Variants in STK3 observed in about 807,000 individuals in gnomAD.
STK3 encodes the protein serine/threonine kinase 3.
STK3 carries 41 observed loss-of-function variants against 58.0 expected under a neutral mutation model. The observed-to-expected ratio is 0.71, with a 90% CI of 0.55 to 0.92. The LOEUF is 0.92. Among genes scored for constraint, STK3 ranks in the 40% least tolerant of loss-of-function variants. The probability of loss-of-function intolerance (pLI) is 0.00; values close to 1 mark genes in which losing one functional copy is unlikely to be tolerated. For synonymous variants in STK3, 170 were observed against 191.0 expected, an observed-to-expected ratio of 0.89 and a Z score of 0.91; for missense variants, 479 against 602.7, an observed-to-expected ratio of 0.79 and a Z score of 2.15.
intron 8 of STK3, among the ~76,000 whole-genome samples, chr8:98,564,751 A>T (rs1812341014): frequency 6.6e-6 from 1 of 152,130 alleles, no homozygotes; most frequent in African/African-American, 2.4e-5. Context: ...TATAATCGTT[A>T]TATATCAATT....
intron 10 of STK3, among the ~76,000 whole-genome samples, chr8:98,471,259 G>A (rs1820893851): frequency 6.6e-6 from 1 of 152,020 alleles, no homozygotes; most frequent in South Asian, 2.1e-4. Flanking sequence ...CTCTAAGAGA[G>A]GGCTAAGTCG....
At chr8:98,898,680 C>T (rs1383763234) in intron 1 of STK3, among the ~76,000 whole-genome samples, 1 of 152,110 alleles carries the variant, frequency 6.6e-6, no homozygotes, top group African/African-American at 2.4e-5. Context: ...ACAGTAGAAA[C>T]GCATACAGAA....
intron 1 of STK3, among the ~76,000 whole-genome samples, chr8:98,446,878 ATATATACAC>A (rs1297160744): frequency 2.0e-5 from 3 of 152,218 alleles, no homozygotes; most frequent in African/African-American, 7.2e-5. Context: ...AAAATACAGT[ATATATACAC>A]CATAGAATAC....
In STK3 at chr8:98,412,922, A is replaced by G. The variant is rs558726309; in HGVS notation, n.484-11409T>C. The G allele has an allele frequency of 1.1e-5, 3 of 263,098 alleles. No individual in the cohort carries two copies. The South Asian group carries it at 1.3e-4, about 12-fold the overall frequency. 16.3% of individuals were successfully genotyped at this position (263,098 alleles called of 1,614,324 possible). ...AGATTCACTATCTGAACTTTCTTCT[A>G]TAATTTTTCACTTTCACCATCAGGC... On this transcript the variant is annotated intron_variant and non_coding_transcript_variant, in intron 3 of 3. Transcript: ENST00000517832.
chr8:98,473,225 T>C lies in STK3; in HGVS notation c.1318-17225A>G, dbSNP rs867203813. Among the ~76,000 whole-genome samples the C allele has an allele frequency of 3.5e-4, 54 of 152,166 alleles. 1 individual carries two copies. The highest frequency in any genetic ancestry group is 3.2e-3 in the Middle Eastern group (1 of 316). On this transcript the variant is annotated intron_variant, in intron 10 of 10. Transcript: ENST00000419617. ...CAATGCCATTTACAAACATTCCTGC[T>C]GCACCCATCTTCTACACCCCCTGTT... is the stretch of plus-strand genomic sequence containing the variant.
chr8:98,864,643 A>G (rs1240206324), intron 3 of STK3, among the ~76,000 whole-genome samples: 4 of 152,184 alleles, frequency 2.6e-5, no homozygotes, highest in Non-Finnish European at 5.9e-5. Context: ...AGGTAACTTC[A>G]TGAGAAATGT....
intron 1 of STK3, among the ~76,000 whole-genome samples, chr8:98,447,074 C>A (rs1818984111): frequency 6.6e-6 from 1 of 152,106 alleles, no homozygotes; most frequent in African/African-American, 2.4e-5. Context: ...ACAACACACA[C>A]TGGCGCCTAC....
downstream of STK3, among the ~76,000 whole-genome samples, chr8:98,367,194 A>G (rs1045091232): frequency 3.3e-5 from 5 of 152,230 alleles, no homozygotes; most frequent in African/African-American, 1.2e-4. Context: ...ACTTAGCACA[A>G]TGCCTAGCCC....
At chr8:98,583,393 G>C (rs1188765037) in intron 7 of STK3, among the ~76,000 whole-genome samples, 4 of 151,066 alleles carry the variant, frequency 2.6e-5, no homozygotes, top group African/African-American at 9.7e-5. Flanking sequence ...CTGCATTTTA[G>C]CATTTCTTTC....
intron 1 of STK3, among the ~76,000 whole-genome samples, chr8:98,793,833 T>C (rs1832960043): frequency 6.7e-6 from 1 of 148,940 alleles, no homozygotes; most frequent in African/African-American, 2.5e-5. Context: ...AAAAACAAAA[T>C]CATACCAACC....
chr8:98,657,884 AT>A (rs201125359), intron 6 of STK3, among the ~76,000 whole-genome samples: 2,581 of 152,192 alleles, frequency 0.017, 28 homozygotes, highest in South Asian at 0.032. Context: ...ACTGTAATGG[AT>A]CCTTTACACA....
intron 3 of STK3, chr8:98,427,909 C>T (rs1043395080): frequency 4.5e-5 from 60 of 1,337,604 alleles, no homozygotes; most frequent in Non-Finnish European, 5.5e-5. Context: ...GCACGGCGCT[C>T]TCGCCGACGC....
chr8:98,733,075 A>T (rs1828323607), intron 4 of STK3, among the ~76,000 whole-genome samples: 1 of 152,178 alleles, frequency 6.6e-6, no homozygotes, highest in Non-Finnish European at 1.5e-5. Context: ...AGACAGAAAT[A>T]AAATTTGAGC....
chr8:98,670,751 C>T (rs1440402706), intron 6 of STK3, among the ~76,000 whole-genome samples: 1 of 152,244 alleles, frequency 6.6e-6, no homozygotes, highest in Non-Finnish European at 1.5e-5. Flanking sequence ...CAGATCCAGC[C>T]ACACTGAGGG....
chr8:98,752,606 A>T (rs1830051230), intron 3 of STK3, among the ~76,000 whole-genome samples: 1 of 152,210 alleles, frequency 6.6e-6, no homozygotes, highest in Non-Finnish European at 1.5e-5. Context: ...AATGGGATCT[A>T]GTAAAATCAA....
At chr8:98,576,614 T>C (rs764594742) in intron 8 of STK3, among the ~76,000 whole-genome samples, 7 of 152,210 alleles carry the variant, frequency 4.6e-5, no homozygotes, top group Non-Finnish European at 1.0e-4. Flanking sequence ...ACGGTTAAAT[T>C]TATATTTTAG....
chr8:98,566,880 C>T (rs1812522034), intron 8 of STK3, among the ~76,000 whole-genome samples: 1 of 152,146 alleles, frequency 6.6e-6, no homozygotes, highest in Non-Finnish European at 1.5e-5. Flanking sequence ...ACCAAAATAT[C>T]CATCTAAAAC....
intron 10 of STK3, among the ~76,000 whole-genome samples, chr8:98,471,548 A>G (rs1771431688): frequency 2.0e-5 from 3 of 152,070 alleles, no homozygotes; most frequent in African/African-American, 7.2e-5. Flanking sequence ...CGCAAAGCCT[A>G]TTTTATAATA....
At chr8:98,797,194 T>G (rs796108247) in intron 1 of STK3, among the ~76,000 whole-genome samples, 1 of 152,254 alleles carries the variant, frequency 6.6e-6, no homozygotes, top group African/African-American at 2.4e-5. Flanking sequence ...TGATAACTTA[T>G]TGCAGCTTCT....
Sources: allele counts gnomAD v4.1 joint callset (sites outside exome capture counted in the v4.1 genomes callset), GRCh38; gene constraint gnomAD v4.1.1; transcripts MANE v1.5; gene names NCBI Gene and HGNC (gene_info 2026-07-23, HGNC 2026-07-21).